The following ITPK1 variants were observed in gnomAD, a reference collection of about 807,000 sequenced individuals.
The protein encoded by ITPK1 is inositol 1,3,4-trisphosphate 5/6-kinase.
In ITPK1, 21 loss-of-function variants were observed where a neutral mutation model predicts 45.3. The ratio of observed to expected loss-of-function variants is 0.46; its 90% CI spans 0.33 to 0.67. The LOEUF is 0.67. Among genes scored for constraint, ITPK1 ranks in the 30% least tolerant of loss-of-function variants. ITPK1 has a pLI of 0.02. For synonymous variants in ITPK1, 258 were observed against 253.6 expected, an observed-to-expected ratio of 1.02 and a Z score of -0.16; for missense variants, 474 against 573.5, an observed-to-expected ratio of 0.83 and a Z score of 1.77.
intron 4 of ITPK1, among the ~76,000 whole-genome samples, chr14:93,013,884 G>A (rs1372853702): frequency 6.6e-6 from 1 of 152,210 alleles, no homozygotes; most frequent in Non-Finnish European, 1.5e-5. Flanking sequence ...GCAGAGGGAA[G>A]GGGACGATCA....
chr14:92,964,337 C>T lies in ITPK1; in HGVS notation c.365-1488G>A, dbSNP rs559032069. On this transcript the variant is annotated intron_variant, in intron 5 of 10. Coordinates refer to ENST00000267615, the MANE Select transcript of ITPK1 (RefSeq NM_014216.6). ...GGCCCCAAGGTCATACAGTGGTCAA[C>T]GGCAGAGCCAGGACAAGGAGCCAGG... Among the ~76,000 whole-genome samples, 45 of 147,582 alleles carry T rather than the reference C, an allele frequency of 3.0e-4. 1 individual carries two copies. In the South Asian group the frequency reaches 6.6e-3, roughly 22 times the overall value.
intron 4 of ITPK1, among the ~76,000 whole-genome samples, chr14:92,998,132 T>C (rs1430217226): frequency 6.6e-6 from 1 of 152,176 alleles, no homozygotes; most frequent in Admixed American, 6.5e-5. Flanking sequence ...TCATCCTGGG[T>C]AAGGTCCATT....
intron 2 of ITPK1, among the ~76,000 whole-genome samples, chr14:93,095,678 G>C (rs777142830): frequency 2.6e-5 from 4 of 151,346 alleles, no homozygotes; most frequent in Non-Finnish European, 4.4e-5. Flanking sequence ...TTTGGAGTAT[G>C]AATGATCTCA....
intron 3 of ITPK1, among the ~76,000 whole-genome samples, chr14:93,035,933 G>A (rs1487949719): frequency 6.6e-6 from 1 of 152,258 alleles, no homozygotes; most frequent in East Asian, 1.9e-4. Context: ...GGCAGGCCCA[G>A]GTGGATGTAT....
chr14:92,941,119 G>T lies in ITPK1; in HGVS notation c.*442C>A. Reference sequence around the variant, plus strand: ...TCAGGGAGTGGGGAGTCAGGCAGAAGGGAAGCCACTCTCACATGCACCGAT... The same window carrying T: ...TCAGGGAGTGGGGAGTCAGGCAGAATGGAAGCCACTCTCACATGCACCGAT... On this transcript the variant is annotated 3_prime_UTR_variant, in exon 11 of 11. Coordinates refer to ENST00000267615, the MANE Select transcript of ITPK1 (RefSeq NM_014216.6). The T allele has an allele frequency of 2.5e-6, 3 of 1,205,378 alleles. No individual in the cohort carries two copies. In the Admixed American group the frequency reaches 1.1e-4, roughly 42 times the overall value. The allele number at this position is 1,205,378 out of a possible 1,614,324, so 74.7% of individuals were successfully genotyped here.
chr14:92,963,521 GCCT>G (rs774438410), intron 5 of ITPK1, among the ~76,000 whole-genome samples: 13 of 151,938 alleles, frequency 8.6e-5, no homozygotes, highest in African/African-American at 1.2e-4. Flanking sequence ...TCCAGAGGTG[GCCT>G]CCCCACCACG....
chr14:93,046,597 GGGGGGGCGGC>G (rs1403495861), intron 3 of ITPK1, among the ~76,000 whole-genome samples: 1 of 150,420 alleles, frequency 6.6e-6, no homozygotes, highest in Non-Finnish European at 1.5e-5. Context: ...CCGGGGGCGG[GGGGGGGCGGC>G]GGGGGGAACA....
chr14:92,962,767 G>A lies in ITPK1; in HGVS notation c.447C>T (p.Gly149=). ...GGTACGCACTGAATGGGAAAGTCAA[G>A]CCGTTCTTCTCCAGCAGCCGCATGG... is the stretch of plus-strand genomic sequence containing the variant. ...DDTMRLLEKN[G]LTFPFICKTR... Residue 149 remains glycine, a synonymous_variant, in exon 6 of 11, where the codon GGC becomes GGT. Coordinates refer to ENST00000267615, the MANE Select transcript of ITPK1 (RefSeq NM_014216.6). 2 of 1,613,530 alleles carry A rather than the reference G, an allele frequency of 1.2e-6. No homozygotes were observed. The highest frequency in any genetic ancestry group is 1.7e-6 in the Non-Finnish European group (2 of 1,179,476).
At chr14:93,091,581 G>A (rs948603438) in intron 2 of ITPK1, among the ~76,000 whole-genome samples, 4 of 152,336 alleles carry the variant, frequency 2.6e-5, no homozygotes, top group African/African-American at 9.6e-5. Flanking sequence ...CGAGTGCTGG[G>A]CTCTACACCT....
chr14:93,089,623 G>A lies in ITPK1; in HGVS notation c.96-13004C>T, dbSNP rs1221495902. On this transcript the variant is annotated intron_variant, in intron 2 of 10. Coordinates refer to ENST00000267615, the MANE Select transcript of ITPK1 (RefSeq NM_014216.6). ...CACCAATGAGACAGAAATCAGCTGG[G>A]TCACAGGACTGCAGCTCATGAGAAT... Among the ~76,000 whole-genome samples, 3 of 152,208 alleles carry A rather than the reference G, an allele frequency of 2.0e-5. No individual in the cohort carries two copies. In the East Asian group the frequency reaches 5.8e-4, roughly 29 times the overall value.
At chr14:93,010,887 A>G (rs1427661284) in intron 4 of ITPK1, among the ~76,000 whole-genome samples, 11 of 151,898 alleles carry the variant, frequency 7.2e-5, no homozygotes, top group Non-Finnish European at 1.0e-4. Context: ...CATTCACAGT[A>G]AGCGTGGCTG....
chr14:93,010,418 T>C (rs977405954), intron 4 of ITPK1, among the ~76,000 whole-genome samples: 5 of 152,236 alleles, frequency 3.3e-5, no homozygotes, highest in African/African-American at 2.4e-5. Flanking sequence ...GGTAGTCCTT[T>C]GGAGGCAGAC....
Position 92,938,659 on chromosome 14 carries a change from T to C in ITPK1, c.*2902A>G, listed in dbSNP as rs1816499718. ...CAGCTGGGTCCAATCCCGCCGGCCA[T>C]GCTGGGTGACTGCAGGCCCAGCCCA... On this transcript the variant is annotated 3_prime_UTR_variant, in exon 11 of 11. Coordinates refer to ENST00000267615, the MANE Select transcript of ITPK1 (RefSeq NM_014216.6). 4.1e-6 allele frequency: 3 copies of C among 730,286 alleles called. No homozygotes were observed. The highest frequency in any genetic ancestry group is 7.2e-6 in the Non-Finnish European group (3 of 414,928). 45.2% of individuals were successfully genotyped at this position (730,286 alleles called of 1,614,324 possible).
intron 3 of ITPK1, among the ~76,000 whole-genome samples, chr14:93,054,573 C>T (rs1022811228): frequency 1.3e-5 from 2 of 152,192 alleles, no homozygotes; most frequent in South Asian, 4.1e-4. Context: ...AGAACATGTA[C>T]TCCCTTGATT....
chr14:93,100,819 T>C (rs557067968), intron 2 of ITPK1, among the ~76,000 whole-genome samples: 1 of 152,280 alleles, frequency 6.6e-6, no homozygotes, highest in African/African-American at 2.4e-5. Flanking sequence ...TGTTGGTTAA[T>C]TGAGAGTGAG....
intron 9 of ITPK1, among the ~76,000 whole-genome samples, chr14:92,949,379 T>C (rs10138844): frequency 0.34 from 51,665 of 152,130 alleles, 9,790 homozygotes; most frequent in East Asian, 0.56. Context: ...GGATTAAAGG[T>C]ATGAGCCACC....
At chr14:92,993,816 G>T in intron 5 of ITPK1, 64 bp downstream of exon 5, 1 of 1,028,264 alleles carries the variant, frequency 9.7e-7, no homozygotes. Flanking sequence ...ACCTCAGGCC[G>T]TGGCCACTTT....
intron 5 of ITPK1, among the ~76,000 whole-genome samples, chr14:92,978,559 G>C (rs986876448): frequency 1.3e-5 from 2 of 151,948 alleles, no homozygotes; most frequent in African/African-American, 4.9e-5. Context: ...GGGAAAAATT[G>C]TTTTGTGGGC....
rs1888060167 is a variant in ITPK1 at position 93,014,239 on chromosome 14, A to G, written c.246+2437T>C. Among the ~76,000 whole-genome samples the G allele has an allele frequency of 6.6e-6, 1 of 152,142 alleles. No individual in the cohort carries two copies. The highest frequency in any genetic ancestry group is 2.4e-5 in the African/African-American group (1 of 41,418). On this transcript the variant is annotated intron_variant, in intron 4 of 10. Coordinates refer to ENST00000267615, the MANE Select transcript of ITPK1 (RefSeq NM_014216.6). This position sits in a 1 kb window ranked among gnomAD's most constrained non-coding sequence, Gnocchi z 4.4. ...CACCTGTGGCTGCCTGACAGCCTTA[A>G]GCCACAAGGCCCCATGCTGCCCTCC...
Sources: gnomAD v4.1 joint callset for allele counts (sites outside exome capture counted in the v4.1 genomes callset) on GRCh38, gnomAD v4.1.1 for gene constraint, Gnocchi (gnomAD v3.1) non-coding constraint, MANE v1.5 for transcripts, NCBI Gene and HGNC (gene_info 2026-07-23, HGNC 2026-07-21) for gene names.